DTWD2: variants seen among roughly 807,000 people sequenced by gnomAD.
DTWD2 encodes the protein DTW motif tRNA-uridine aminocarboxypropyltransferase 2.
DTWD2 carries 39 observed loss-of-function variants against 31.8 expected under a neutral mutation model. That is an observed-to-expected ratio of 1.22 (90% CI 0.95 to 1.60). The LOEUF is 1.60. Ranked by LOEUF, DTWD2 falls within the 40% of genes most tolerant of loss-of-function variation. The pLI, the probability that DTWD2 is intolerant of heterozygous loss-of-function variation, is 0.00. For missense variants in DTWD2, 515 were observed against 381.5 expected, an observed-to-expected ratio of 1.35 and a Z score of -2.92; for synonymous variants, 180 against 142.8, an observed-to-expected ratio of 1.26 and a Z score of -1.86.
intron 1 of DTWD2, among the ~76,000 whole-genome samples, chr5:118,947,663 A>AATGC (rs1227418673): frequency 6.6e-6 from 1 of 152,128 alleles, no homozygotes; most frequent in Non-Finnish European, 1.5e-5. Context: ...GGAAAACAGG[A>AATGC]ATGCATGTTC....
At chr5:118,886,899 T>G (rs1752880009) in intron 4 of DTWD2, among the ~76,000 whole-genome samples, 1 of 152,210 alleles carries the variant, frequency 6.6e-6, no homozygotes, top group Non-Finnish European at 1.5e-5. Flanking sequence ...TTTGATTTCA[T>G]AACTCCAATA....
chr5:118,844,922 C>A (rs181542613), intron 5 of DTWD2, among the ~76,000 whole-genome samples: 285 of 152,184 alleles, frequency 1.9e-3, no homozygotes, highest in Non-Finnish European at 3.3e-3. Context: ...TCGCTTAAAT[C>A]CCCTAGGAGT....
At chr5:118,949,480 A>C (rs1391580909) in intron 1 of DTWD2, among the ~76,000 whole-genome samples, 1 of 152,212 alleles carries the variant, frequency 6.6e-6, no homozygotes, top group Non-Finnish European at 1.5e-5. Context: ...TTGGTTGATA[A>C]GGCATAGATC....
At chr5:118,886,557 G>A (rs1313052477) in intron 4 of DTWD2, among the ~76,000 whole-genome samples, 1 of 152,176 alleles carries the variant, frequency 6.6e-6, no homozygotes, top group East Asian at 1.9e-4. Flanking sequence ...GGAATGGCAG[G>A]TAAAGCGAAG....
At chr5:118,910,009 T>C (rs965519476) in intron 4 of DTWD2, among the ~76,000 whole-genome samples, 1 of 152,178 alleles carries the variant, frequency 6.6e-6, no homozygotes, top group African/African-American at 2.4e-5. Flanking sequence ...GGTTATTCTT[T>C]CCTTGTCTTG....
intron 1 of DTWD2, among the ~76,000 whole-genome samples, chr5:118,959,382 T>C (rs1359991745): frequency 1.3e-5 from 2 of 151,884 alleles, no homozygotes; most frequent in Admixed American, 1.3e-4. Context: ...CTTAGGAATA[T>C]AGCTAACCAA....
intron 1 of DTWD2, among the ~76,000 whole-genome samples, chr5:118,968,016 T>TA (rs1232587773): frequency 1.3e-5 from 2 of 152,214 alleles, no homozygotes; most frequent in Non-Finnish European, 2.9e-5. Context: ...TAATGCATAT[T>TA]GATATCATGT....
At chr5:118,924,151 C>A (rs553043499) in intron 4 of DTWD2, among the ~76,000 whole-genome samples, 236 of 152,276 alleles carry the variant, frequency 1.5e-3, no homozygotes, top group Non-Finnish European at 2.7e-3. Flanking sequence ...CTCCTCTAAC[C>A]GGTCCAGGTC....
rs74955732 is a variant in DTWD2 at position 118,904,539 on chromosome 5, G to A, written c.597+23998C>T. Among the ~76,000 whole-genome samples, 56 of 152,136 alleles carry A rather than the reference G, an allele frequency of 3.7e-4. No individual in the cohort carries two copies. In the East Asian group the frequency reaches 7.5e-3, roughly 20 times the overall value. The stretch of plus-strand genomic sequence containing the variant: ...CTGTTTTTTAATCGACTGACATTAA[G>A]GTTTCTGCCTGTGTTTAGAAAAATT... On this transcript the variant is annotated intron_variant, in intron 4 of 5. Transcript: ENST00000510708.
At position 118,836,579 on chromosome 5, in the gene DTWD2, C is replaced by A. The variant is rs955187983; in HGVS notation, c.*4338G>T. ...AAAATTGAAAAACAATTACTTATTTCTCTAATATGCTTTTTAGTAGAGTAC... is the reference window on the plus strand; with the variant it reads ...AAAATTGAAAAACAATTACTTATTTATCTAATATGCTTTTTAGTAGAGTAC... On this transcript the variant is annotated 3_prime_UTR_variant, in exon 6 of 6. Transcript: ENST00000510708. 1.3e-5 allele frequency among the ~76,000 whole-genome samples: 2 copies of A among 152,158 alleles called. No homozygotes were observed. The highest frequency in any genetic ancestry group is 1.9e-4 in the East Asian group (1 of 5,204).
intron 3 of DTWD2, among the ~76,000 whole-genome samples, chr5:118,935,675 G>C (rs1023958383): frequency 6.6e-6 from 1 of 152,146 alleles, no homozygotes; most frequent in Non-Finnish European, 1.5e-5. Context: ...AAAAGGACTA[G>C]TGCATCAAGT....
chr5:118,877,595 A>G (rs1752650349), intron 4 of DTWD2, among the ~76,000 whole-genome samples: 2 of 152,214 alleles, frequency 1.3e-5, no homozygotes, highest in South Asian at 4.1e-4. Context: ...TGAATGGGCA[A>G]AAGAGGGAAG....
rs1251530623 is a variant in DTWD2 at position 118,988,405 on chromosome 5, GCGC to G, written c.104_106del (p.Gly35del). ...GCCCAGGGCAGCCGCCGCCGGCACTGCGCCGCCCTCCCGCCGCTCCTTGTCGTT... is the reference window on the plus strand; with the variant it reads ...GCCCAGGGCAGCCGCCGCCGGCACTGCGCCCTCCCGCCGCTCCTTGTCGTT... On this transcript the variant is annotated inframe_deletion, in exon 1 of 6. Transcript: ENST00000510708. The G allele has an allele frequency of 2.5e-6, 4 of 1,599,008 alleles. No homozygotes were observed. Among genetic ancestry groups the G allele is most frequent in the Non-Finnish European group, 3.4e-6 (4 of 1,175,052 alleles).
At chr5:118,981,088 T>C (rs1202211602) in intron 1 of DTWD2, among the ~76,000 whole-genome samples, 1 of 152,132 alleles carries the variant, frequency 6.6e-6, no homozygotes, top group Non-Finnish European at 1.5e-5. Context: ...CTCGGTGAAA[T>C]TAGCCAGACA....
chr5:118,906,745 C>T (rs538840552), intron 4 of DTWD2, among the ~76,000 whole-genome samples: 3 of 152,090 alleles, frequency 2.0e-5, no homozygotes, highest in South Asian at 4.2e-4. Flanking sequence ...TAGGGAGCAA[C>T]GGATATCTTC....
chr5:118,912,507 A>C (rs1455438571), intron 4 of DTWD2, among the ~76,000 whole-genome samples: 2 of 152,204 alleles, frequency 1.3e-5, no homozygotes, highest in African/African-American at 4.8e-5. Flanking sequence ...CCCGGTCTTC[A>C]TTCAGTTCCT....
chr5:118,961,900 A>G (rs546886548), intron 1 of DTWD2, among the ~76,000 whole-genome samples: 74 of 152,352 alleles, frequency 4.9e-4, no homozygotes, highest in African/African-American at 1.6e-3. Flanking sequence ...TTACTACATA[A>G]GAGCATATAA....
intron 4 of DTWD2, among the ~76,000 whole-genome samples, chr5:118,849,317 C>G (rs1017581940): frequency 1.3e-5 from 2 of 152,104 alleles, no homozygotes; most frequent in Non-Finnish European, 1.5e-5. Flanking sequence ...AAATCAAAAC[C>G]ACAATGAGAT....
chr5:118,942,811 T>G (rs1038814265), intron 2 of DTWD2, among the ~76,000 whole-genome samples: 3 of 148,362 alleles, frequency 2.0e-5, no homozygotes, highest in Non-Finnish European at 4.5e-5. Flanking sequence ...GTGTGGGTTG[T>G]TTTTTTTTTA....
Sources: allele counts gnomAD v4.1 joint callset (sites outside exome capture counted in the v4.1 genomes callset), GRCh38; gene constraint gnomAD v4.1.1; transcripts MANE v1.5; gene names NCBI Gene and HGNC (gene_info 2026-07-23, HGNC 2026-07-21).